The following ARAP1 variants were observed in gnomAD, a reference collection of about 807,000 sequenced individuals.
ARAP1 encodes ArfGAP with RhoGAP domain, ankyrin repeat and PH domain 1, also known as arf-GAP with Rho-GAP domain, ANK repeat and PH domain-containing protein 1.
In ARAP1, 76 loss-of-function variants were observed where a neutral mutation model predicts 172.2. That is an observed-to-expected ratio of 0.44 (90% confidence interval 0.37 to 0.53). The LOEUF (loss-of-function observed/expected upper bound fraction) is 0.53. ARAP1 is among the 20% of genes least tolerant of loss of function. The probability of loss-of-function intolerance (pLI) is 0.00; values close to 1 mark genes in which losing one functional copy is unlikely to be tolerated. For missense variants in ARAP1, 1,686 were observed against 1,977.5 expected, an observed-to-expected ratio of 0.85 and a Z score of 2.80; for synonymous variants, 804 against 803.3, an observed-to-expected ratio of 1.00 and a Z score of -0.01.
chr11:72,721,928 G>A (rs1432973742), intron 3 of ARAP1: 4 of 986,224 alleles, frequency 4.1e-6, no homozygotes, highest in Admixed American at 6.1e-5. Flanking sequence ...CAAGAATGTC[G>A]TGTACCTGCC....
intron 1 of ARAP1, among the ~76,000 whole-genome samples, chr11:72,737,093 C>A (rs1485076543): frequency 6.6e-6 from 1 of 152,188 alleles, no homozygotes; most frequent in Non-Finnish European, 1.5e-5. Flanking sequence ...GAGGCTGAGC[C>A]CCATATCTCG....
intron 12 of ARAP1, among the ~76,000 whole-genome samples, chr11:72,706,959 T>A (rs1852053244): frequency 6.6e-6 from 1 of 152,238 alleles, no homozygotes; most frequent in African/African-American, 2.4e-5. Flanking sequence ...CCTCTCCCTG[T>A]GCCTCCGTGT....
intron 1 of ARAP1, among the ~76,000 whole-genome samples, chr11:72,744,757 G>A (rs1858303533): frequency 1.3e-5 from 2 of 152,092 alleles, no homozygotes; most frequent in African/African-American, 4.8e-5. Context: ...ATATCTCCAA[G>A]TGGGCTAAGC....
intron 16 of ARAP1, chr11:72,700,219 A>T (rs1856416914): frequency 1.3e-5 from 2 of 154,344 alleles, no homozygotes; most frequent in Non-Finnish European, 2.9e-5. Flanking sequence ...CCTGGCATCC[A>T]GGGCAAAAAG....
At chr11:72,694,211 C>T (rs1207319091) in intron 27 of ARAP1, among the ~76,000 whole-genome samples, 1 of 151,858 alleles carries the variant, frequency 6.6e-6, no homozygotes, top group East Asian at 2.0e-4. Context: ...CCCACATTAC[C>T]GCCTTCTCCT....
chr11:72,715,516 G>A (rs569128412), intron 3 of ARAP1, among the ~76,000 whole-genome samples: 1 of 151,924 alleles, frequency 6.6e-6, no homozygotes, highest in Non-Finnish European at 1.5e-5. Context: ...GCCTCCACCA[G>A]TAACACCCTT....
Position 72,704,265 on chromosome 11 carries a change from G to A in ARAP1, c.1879C>T (p.Leu627=). The stretch of plus-strand genomic sequence containing the variant: ...GTGCTGGGGCTGCTGCTGGGCTGCA[G>A]GGCCTCACTGGGGGGCACGTTGGCT... The part of the protein sequence containing the change: ...WAANVPPSEA[L]QPSSSPSTRR... The change falls in exon 14 of 35, where the codon CTG becomes TTG. Residue 627 remains leucine, a synonymous_variant. Coordinates refer to ENST00000393609, the MANE Select transcript of ARAP1 (RefSeq NM_001040118.3). The A allele has an allele frequency of 6.2e-7, 1 of 1,613,134 alleles. No individual in the cohort carries two copies. The highest frequency in any genetic ancestry group is 1.7e-5 in the Admixed American group (1 of 59,918).
chr11:72,710,959 C>A lies in ARAP1; in HGVS notation c.1213+62G>T. The A allele has an allele frequency of 6.2e-7, 1 of 1,605,486 alleles. No individual in the cohort carries two copies. Among genetic ancestry groups the A allele is most frequent in the South Asian group, 1.1e-5 (1 of 90,200 alleles). Reference sequence around the variant, plus strand: ...CCATGACTCTCTTCCCCCTCCTCTGCCCAAACTTCCAGTCTTCTCTACCCT... The same window carrying A: ...CCATGACTCTCTTCCCCCTCCTCTGACCAAACTTCCAGTCTTCTCTACCCT... On this transcript the variant is annotated intron_variant, in intron 9 of 34. Coordinates refer to ENST00000393609, the MANE Select transcript of ARAP1 (RefSeq NM_001040118.3). This position sits in a 1 kb window ranked among gnomAD's most constrained non-coding sequence, Gnocchi z 4.3.
Position 72,727,045 on chromosome 11 carries a change from C to T in ARAP1, c.84G>A (p.Glu28=), listed in dbSNP as rs1486095902. 1.2e-6 allele frequency: 2 copies of T among 1,610,556 alleles called. No individual in the cohort carries two copies. Among genetic ancestry groups the T allele is most frequent in the South Asian group, 1.1e-5 (1 of 90,596 alleles). The change falls in exon 3 of 35, where the codon GAG becomes GAA. Residue 28 remains glutamate (E), a synonymous_variant. Transcript: ENST00000393609. ...LHLEQYTGLF[E]QHGLVWATEC... is the part of the protein sequence containing the mutation. ...CAGTGGCCCACACCAGGCCATGCTG[C>T]TCAAAGAGCCCCGTGTACTGCTCCA...
At chr11:72,728,062 A>G (rs1176516362) in intron 2 of ARAP1, among the ~76,000 whole-genome samples, 1 of 152,256 alleles carries the variant, frequency 6.6e-6, no homozygotes, top group Non-Finnish European at 1.5e-5. Flanking sequence ...ATAAATTGAT[A>G]CTTTCTTAAA....
chr11:72,720,657 C>T (rs1053778553), intron 3 of ARAP1, among the ~76,000 whole-genome samples: 5 of 152,326 alleles, frequency 3.3e-5, no homozygotes, highest in Non-Finnish European at 7.3e-5. Flanking sequence ...TGGAGCCCAT[C>T]CTCACAACCG....
Position 72,701,263 on chromosome 11 carries a change from G to A in ARAP1, c.2302+386C>T, listed in dbSNP as rs369865907. 7.2e-4 allele frequency among the ~76,000 whole-genome samples: 109 copies of A among 152,156 alleles called. No homozygotes were observed. In the South Asian group the frequency reaches 0.022, roughly 30 times the overall value. On this transcript the variant is annotated intron_variant, in intron 16 of 34. Coordinates refer to ENST00000393609, the MANE Select transcript of ARAP1 (RefSeq NM_001040118.3). ...TAATGGGGGTGGTGGCCAACTGTGC[G>A]GGCTCTTGTGGATTTTCTTCTGAGT...
At chr11:72,704,484 C>A (rs866259392) in intron 13 of ARAP1, 150 bp from the exon 14 acceptor site, 5 of 830,796 alleles carry the variant, frequency 6.0e-6, no homozygotes, top group Non-Finnish European at 9.0e-6. Flanking sequence ...GACAGCCTGG[C>A]CTGCTGGTGG....
In ARAP1 at chr11:72,695,890, T is replaced by C; in HGVS notation, c.3273-25A>G. 6.3e-7 allele frequency: 1 copy of C among 1,599,528 alleles called. No individual in the cohort carries two copies. Among genetic ancestry groups the C allele is most frequent in the South Asian group, 1.1e-5 (1 of 87,948 alleles). ...ACTGGAGAGGGGAGGAGGAGGGCTT[T>C]GAGTGAGGAGTCAGGCCAGAGCTTC... On this transcript the variant is annotated intron_variant, in intron 23 of 34. Transcript: ENST00000393609. The surrounding 1 kb of genome is among the most constrained non-coding windows in gnomAD (Gnocchi z 4.4).
At position 72,726,113 on chromosome 11, in the gene ARAP1, T is replaced by TCC. The variant is rs1857681357; in HGVS notation, c.509+506_509+507insGG. ...TGAGGCCTGAGAAGTGTCCCAGGAT[T>TCC]TGCTGACATTTGGCAGTGGGAGAAG... On this transcript the variant is annotated intron_variant, in intron 3 of 34. Coordinates refer to ENST00000393609, the MANE Select transcript of ARAP1 (RefSeq NM_001040118.3). The surrounding 1 kb of genome is among the most constrained non-coding windows in gnomAD (Gnocchi z 6.5). 6.6e-6 allele frequency among the ~76,000 whole-genome samples: 1 copy of TCC among 152,056 alleles called. No homozygotes were observed. Among genetic ancestry groups the TCC allele is most frequent in the African/African-American group, 2.4e-5 (1 of 41,392 alleles).
In ARAP1 at chr11:72,697,995, A is replaced by G; in HGVS notation, c.2653T>C (p.Ser885Pro). ...GCACGGAGCTCCGAGCCACTGAGAG[A>G]GAACCAGCCCTCCTGGGCCCGCTGT... ...SLQRAQEGWF[S>P]LSGSELRAVF... The change falls in exon 19 of 35, where the codon TCT (serine) becomes CCT (proline). Residue 885 changes from serine (S) to proline (P), a missense_variant. This residue lies in a region of ARAP1 where 274 missense variants were observed against 262.7 expected (regional missense o/e 1.04). Transcript: ENST00000393609. 6.2e-7 allele frequency: 1 copy of G among 1,612,368 alleles called. No individual in the cohort carries two copies. The highest frequency in any genetic ancestry group is 1.1e-5 in the South Asian group (1 of 90,756).
chr11:72,689,031 G>A, intron 30 of ARAP1: 1 of 156,064 alleles, frequency 6.4e-6, no homozygotes, highest in East Asian at 1.9e-4. Context: ...AGGCTCCAGG[G>A]TTGACCGTGT....
In ARAP1 at chr11:72,695,861, G is replaced by T; in HGVS notation, c.3277C>A (p.Gln1093Lys). The T allele has an allele frequency of 6.2e-7, 1 of 1,611,090 alleles. No individual in the cohort carries two copies. The highest frequency in any genetic ancestry group is 1.1e-5 in the South Asian group (1 of 90,442). Residue 1093 changes from glutamine (Q) to lysine (K), a missense_variant, in exon 24 of 35, where the codon CAG becomes AAG. By Grantham distance (53) the Gln-to-Lys change is moderately conservative. Transcript: ENST00000393609. The surrounding 1 kb of genome is among the most constrained non-coding windows in gnomAD (Gnocchi z 4.4). ...KALISHLYCVQCFSDTNQMNV... is the reference protein window; with the variant it reads ...KALISHLYCVKCFSDTNQMNV... Reference sequence around the variant, plus strand: ...ATCTGGTTCGTGTCTGAGAAGCACTGAACACTGGAGAGGGGAGGAGGAGGG... The same window carrying T: ...ATCTGGTTCGTGTCTGAGAAGCACTTAACACTGGAGAGGGGAGGAGGAGGG...
In ARAP1 at chr11:72,699,279, G is replaced by C; in HGVS notation, c.2438+138C>G. The stretch of plus-strand genomic sequence containing the variant: ...CTTGGGCTGGGGCCTCAAGAGACTG[G>C]AGTCGGCCCTTGTGCAGCCTCCGTT... On this transcript the variant is annotated intron_variant, in intron 17 of 34. Transcript: ENST00000393609. This position sits in a 1 kb window ranked among gnomAD's most constrained non-coding sequence, Gnocchi z 4.2. 7.0e-7 allele frequency: 1 copy of C among 1,430,044 alleles called. No individual in the cohort carries two copies. Among genetic ancestry groups the C allele is most frequent in the South Asian group, 1.3e-5 (1 of 77,036 alleles). The allele number at this position is 1,430,044 out of a possible 1,614,324, so 88.6% of individuals were successfully genotyped here. A position where few individuals can be genotyped will look rare whatever the true frequency, so the allele number is the denominator to read the frequency against.
Sources: gnomAD v4.1 joint callset for allele counts (sites outside exome capture counted in the v4.1 genomes callset) on GRCh38, gnomAD v4.1.1 for gene constraint, gnomAD v4.1.1 regional missense constraint, Gnocchi (gnomAD v3.1) non-coding constraint, MANE v1.5 for transcripts, NCBI Gene and HGNC (gene_info 2026-07-23, HGNC 2026-07-21) for gene names.